The following COL22A1 variants were observed in gnomAD, a reference collection of about 807,000 sequenced individuals.
The protein encoded by COL22A1 is collagen type XXII alpha 1 chain.
A neutral mutation model predicts 248.9 loss-of-function variants in COL22A1; 221 were observed. The ratio of observed to expected loss-of-function variants is 0.89; its 90% CI spans 0.80 to 0.99. The LOEUF is 0.99. Ranked by LOEUF, COL22A1 falls within the 50% of genes least tolerant of loss-of-function variation. COL22A1 has a pLI of 0.00. For missense variants in COL22A1, 2,240 were observed against 2,179.0 expected, an observed-to-expected ratio of 1.03 and a Z score of -0.56; for synonymous variants, 891 against 793.4, an observed-to-expected ratio of 1.12 and a Z score of -2.07.
chr8:138,623,734 G>T lies in COL22A1; in HGVS notation c.3769C>A (p.Pro1257Thr), dbSNP rs1213687367. 1.9e-6 allele frequency: 3 copies of T among 1,610,468 alleles called. No individual in the cohort carries two copies. The highest frequency in any genetic ancestry group is 1.7e-5 in the Admixed American group (1 of 59,100). ...ATAGGAAGTTTAGAGTCCTTTACCG[G>T]CTCTCCAGGGGGACCCGGCTTTCCA... ...RDGKPGPPGEPGKAGEPGLPG... is the reference protein window; with the variant it reads ...RDGKPGPPGETGKAGEPGLPG... The change falls in exon 52 of 65, where the codon CCG becomes ACG. Residue 1257 changes from proline (P) to threonine (T), a missense_variant and splice_region_variant. Coordinates refer to ENST00000303045, the MANE Select transcript of COL22A1 (RefSeq NM_152888.3).
chr8:138,619,659 T>G, intron 52 of COL22A1, 151 bp from the exon 53 acceptor site: 1 of 692,036 alleles, frequency 1.4e-6, no homozygotes, highest in Non-Finnish European at 2.6e-6. Context: ...TCCTTCTTAA[T>G]CTACACAAAT....
At chr8:138,849,202 G>A (rs778064784) in intron 3 of COL22A1, among the ~76,000 whole-genome samples, 2 of 152,208 alleles carry the variant, frequency 1.3e-5, no homozygotes, top group Non-Finnish European at 2.9e-5. Context: ...GAGCGCCCGC[G>A]TGGCTAGGTC....
intron 1 of COL22A1, among the ~76,000 whole-genome samples, chr8:138,899,004 A>C (rs1345108858): frequency 1.3e-5 from 2 of 152,168 alleles, no homozygotes; most frequent in Non-Finnish European, 2.9e-5. Context: ...ACCCGGCTCT[A>C]GGTACAGCTT....
rs1281897170 is a variant in COL22A1, at chr8:138,775,950, T to C, written c.1803+16A>G. 1 of 1,613,172 alleles carries C rather than the reference T, an allele frequency of 6.2e-7. No individual in the cohort carries two copies. Among genetic ancestry groups the C allele is most frequent in the South Asian group, 1.1e-5 (1 of 91,054 alleles). ...ATGGAAAGCCGTATTGATGAATGAG[T>C]GCAGACTATAAATACCTTTTCTCCT... is the stretch of plus-strand genomic sequence containing the variant. On this transcript the variant is annotated intron_variant, in intron 16 of 64. Coordinates refer to ENST00000303045, the MANE Select transcript of COL22A1 (RefSeq NM_152888.3).
intron 1 of COL22A1, among the ~76,000 whole-genome samples, chr8:138,902,923 G>A (rs188673993): frequency 3.3e-5 from 5 of 151,966 alleles, no homozygotes; most frequent in Admixed American, 6.6e-5. Flanking sequence ...AACATGAAAC[G>A]TTTTCATGGT....
chr8:138,837,441 G>A (rs911532705), intron 4 of COL22A1, among the ~76,000 whole-genome samples: 2 of 152,188 alleles, frequency 1.3e-5, no homozygotes, highest in African/African-American at 4.8e-5. Flanking sequence ...CTGCACTGCT[G>A]TTGACAAAGC....
At chr8:138,869,962 G>A (rs1021821605) in intron 3 of COL22A1, among the ~76,000 whole-genome samples, 2 of 152,204 alleles carry the variant, frequency 1.3e-5, no homozygotes, top group Admixed American at 1.3e-4. Context: ...CTGCATGTGT[G>A]TATGAGTAGT....
Position 138,662,078 on chromosome 8 carries a change from T to C in COL22A1, c.3192A>G (p.Ser1064=). The change falls in exon 43 of 65, where the codon TCA becomes TCG. Residue 1064 remains serine (S), a synonymous_variant. Coordinates refer to ENST00000303045, the MANE Select transcript of COL22A1 (RefSeq NM_152888.3). The part of the protein sequence containing the change: ...GPPGDKGSPG[S]RGLPGFPGPQ... ...GGCCAGGGAATCCAGGTAAGCCTCG[T>C]GATCCCTGAAGAAAAAGAAAAGAAG... 1.2e-6 allele frequency: 2 copies of C among 1,612,150 alleles called. 1 individual carries two copies.
intron 1 of COL22A1, among the ~76,000 whole-genome samples, chr8:138,890,225 A>T (rs1170340872): frequency 6.6e-6 from 1 of 152,154 alleles, no homozygotes; most frequent in South Asian, 2.1e-4. Context: ...ACTATAAAAA[A>T]ACTTCCTCAG....
At position 138,837,312 on chromosome 8, in the gene COL22A1, G is replaced by A. The variant is rs563159010; in HGVS notation, c.734-4162C>T. Among the ~76,000 whole-genome samples, 19 of 152,316 alleles carry A rather than the reference G, an allele frequency of 1.2e-4. No homozygotes were observed. The South Asian group carries it at 1.7e-3, about 13-fold the overall frequency. On this transcript the variant is annotated intron_variant, in intron 4 of 64. Transcript: ENST00000303045. ...ACTGGGAGCAGCCGCCACACCTACC[G>A]GAGAGGGAGTCCTGGGGAGTCCCCG...
At position 138,607,925 on chromosome 8, in the gene COL22A1, AG is replaced by A; in HGVS notation, c.4032+10del. On this transcript the variant is annotated intron_variant, in intron 57 of 64. Coordinates refer to ENST00000303045, the MANE Select transcript of COL22A1 (RefSeq NM_152888.3). ...CCTGATGCCATCACATAGCAGCCAA[AG>A]AGAACTCACAGGGGTTCCTGAAGGG... is the stretch of plus-strand genomic sequence containing the variant. The A allele has an allele frequency of 6.2e-7, 1 of 1,613,878 alleles. No individual in the cohort carries two copies. The highest frequency in any genetic ancestry group is 8.5e-7 in the Non-Finnish European group (1 of 1,179,836).
chr8:138,725,332 C>T (rs1830215125), intron 24 of COL22A1, 55 bp downstream of exon 24: 1 of 1,566,232 alleles, frequency 6.4e-7, no homozygotes, highest in Non-Finnish European at 8.8e-7. Context: ...CCAGGTCCCA[C>T]AGGCCAGGAA....
chr8:138,781,848 G>T (rs1387738168), intron 12 of COL22A1, among the ~76,000 whole-genome samples: 1 of 152,174 alleles, frequency 6.6e-6, no homozygotes, highest in Non-Finnish European at 1.5e-5. Context: ...GCCTCTCTCT[G>T]GGCTGTTTCC....
chr8:138,602,184 C>T (rs773857703), intron 59 of COL22A1, 25 bp from the exon 60 acceptor site: 1 of 1,613,828 alleles, frequency 6.2e-7, no homozygotes, highest in Non-Finnish European at 8.5e-7. Context: ...AAAGGACAGT[C>T]ATTGCCCCGG....
chr8:138,637,993 A>G (rs1157542032), intron 47 of COL22A1, among the ~76,000 whole-genome samples: 10 of 151,702 alleles, frequency 6.6e-5, no homozygotes, highest in Non-Finnish European at 1.2e-4. Context: ...CATCGTCTAC[A>G]TCATAATGAT....
chr8:138,601,036 A>G (rs1817960588), intron 60 of COL22A1, among the ~76,000 whole-genome samples: 1 of 152,236 alleles, frequency 6.6e-6, no homozygotes, highest in Non-Finnish European at 1.5e-5. Flanking sequence ...TTAACAGGGA[A>G]AAGGCAAGCT....
intron 31 of COL22A1, among the ~76,000 whole-genome samples, chr8:138,702,606 T>G (rs1034433266): frequency 7.2e-6 from 1 of 138,474 alleles, no homozygotes; most frequent in Admixed American, 7.4e-5. Flanking sequence ...GAAGAAACAT[T>G]AAAGTGGAAA....
chr8:138,707,050 A>T (rs1828523621), intron 30 of COL22A1, among the ~76,000 whole-genome samples: 1 of 152,210 alleles, frequency 6.6e-6, no homozygotes, highest in Admixed American at 6.5e-5. Flanking sequence ...AAATGGATAA[A>T]CTCCTGGACA....
intron 23 of COL22A1, among the ~76,000 whole-genome samples, chr8:138,733,192 G>A (rs1196158204): frequency 1.3e-5 from 2 of 152,120 alleles, no homozygotes; most frequent in Non-Finnish European, 2.9e-5. Context: ...GCACCAAGCC[G>A]CACTGCCTGC....
Sources: allele counts gnomAD v4.1 joint callset (sites outside exome capture counted in the v4.1 genomes callset), GRCh38; gene constraint gnomAD v4.1.1; transcripts MANE v1.5; gene names NCBI Gene and HGNC (gene_info 2026-07-23, HGNC 2026-07-21).